Variants in CDH18 observed in about 807,000 individuals in gnomAD.
The protein encoded by CDH18 is cadherin-18.
CDH18 carries 31 observed loss-of-function variants against 67.9 expected under a neutral mutation model. The ratio of observed to expected loss-of-function variants is 0.46; its 90% CI spans 0.34 to 0.62. The LOEUF (loss-of-function observed/expected upper bound fraction) is 0.62. CDH18 is among the 20% of genes least tolerant of loss of function. The pLI is 0.01. For missense variants in CDH18, 890 were observed against 975.5 expected, an observed-to-expected ratio of 0.91 and a Z score of 1.17; for synonymous variants, 362 against 347.2, an observed-to-expected ratio of 1.04 and a Z score of -0.48.
chr5:19,617,521 T>C, intron 5 of CDH18, among the ~76,000 whole-genome samples: 1 of 152,342 alleles, frequency 6.6e-6, no homozygotes, highest in Middle Eastern at 3.4e-3. Context: ...CATTGTGCAT[T>C]TGTTTAAAAA....
chr5:19,704,877 C>T (rs1000460178), intron 5 of CDH18, among the ~76,000 whole-genome samples: 115 of 152,194 alleles, frequency 7.6e-4, no homozygotes, highest in African/African-American at 2.7e-3. Context: ...AGGGGCATTA[C>T]AGCCAGGATT....
upstream of CDH18, among the ~76,000 whole-genome samples, chr5:19,988,920 C>A (rs1422132518): frequency 1.3e-5 from 2 of 152,070 alleles, no homozygotes; most frequent in African/African-American, 4.8e-5. Flanking sequence ...TTTGTGAAGA[C>A]GAATAGAAGC....
At chr5:19,655,823 G>A (rs936198134) in intron 5 of CDH18, among the ~76,000 whole-genome samples, 2 of 152,020 alleles carry the variant, frequency 1.3e-5, no homozygotes, top group South Asian at 4.1e-4. Flanking sequence ...CATGTGTTCT[G>A]TCATCCTTAG....
chr5:19,599,016 T>A (rs1746624499), intron 6 of CDH18, among the ~76,000 whole-genome samples: 1 of 152,182 alleles, frequency 6.6e-6, no homozygotes, highest in Non-Finnish European at 1.5e-5. Flanking sequence ...TGTTGTTTTA[T>A]CACTAAAATA....
chr5:19,890,597 A>ATTTT (rs147714365), intron 2 of CDH18, among the ~76,000 whole-genome samples: 2 of 132,686 alleles, frequency 1.5e-5, no homozygotes, highest in African/African-American at 5.2e-5. Flanking sequence ...CCAGAACACC[A>ATTTT]TTTTTTTTTT....
rs534237658 is a variant in CDH18, at chr5:19,857,384, A to G, written c.-256-18142T>C. ...AAGAGACGTGACCATAGGCTAGTAA[A>G]TTGACTTATTTGCATCTTAACTTCT... is the stretch of plus-strand genomic sequence containing the variant. On this transcript the variant is annotated intron_variant, in intron 2 of 12. Transcript: ENST00000382275. Among the ~76,000 whole-genome samples the G allele has an allele frequency of 3.3e-5, 5 of 152,294 alleles. No homozygotes were observed. The East Asian group carries it at 9.6e-4, about 29-fold the overall frequency.
chr5:19,750,035 A>C (rs191562328), intron 3 of CDH18, among the ~76,000 whole-genome samples: 235 of 152,182 alleles, frequency 1.5e-3, no homozygotes, highest in Non-Finnish European at 2.9e-3. Flanking sequence ...AATATTTAGC[A>C]TGAGTTTTTA....
intron 1 of CDH18, among the ~76,000 whole-genome samples, chr5:20,518,651 C>G (rs16886568): frequency 0.16 from 24,675 of 152,012 alleles, 2,499 homozygotes; most frequent in East Asian, 0.39. Context: ...ATTTCTTTGC[C>G]AAAAGTACAC....
At chr5:20,296,348 G>C (rs1306130794) in intron 1 of CDH18, among the ~76,000 whole-genome samples, 1 of 151,460 alleles carries the variant, frequency 6.6e-6, no homozygotes, top group Non-Finnish European at 1.5e-5. Flanking sequence ...CCACCTCCGG[G>C]GTTCAGGCCA....
intron 11 of CDH18, among the ~76,000 whole-genome samples, chr5:19,497,832 T>C (rs1371563409): frequency 6.6e-6 from 1 of 152,088 alleles, no homozygotes; most frequent in Non-Finnish European, 1.5e-5. Flanking sequence ...CTCGTAGGAG[T>C]TACTTCCATA....
At chr5:19,737,479 T>G (rs1768496460) in intron 4 of CDH18, among the ~76,000 whole-genome samples, 2 of 152,152 alleles carry the variant, frequency 1.3e-5, no homozygotes, top group Admixed American at 1.3e-4. Flanking sequence ...TTCAGATTAC[T>G]TGGTGCCTTC....
intron 3 of CDH18, among the ~76,000 whole-genome samples, chr5:19,768,813 AT>A (rs1475133685): frequency 2.0e-5 from 3 of 152,118 alleles, no homozygotes; most frequent in African/African-American, 7.2e-5. Context: ...TATAATATTT[AT>A]AATAGAAGTA....
intron 1 of CDH18, among the ~76,000 whole-genome samples, chr5:20,559,726 T>C (rs1758098923): frequency 6.6e-6 from 1 of 152,078 alleles, no homozygotes; most frequent in Non-Finnish European, 1.5e-5. Flanking sequence ...CCTGATCATA[T>C]AAAAATCAAG....
At chr5:19,840,112 A>AT (rs1450261799) in intron 2 of CDH18, among the ~76,000 whole-genome samples, 4 of 150,362 alleles carry the variant, frequency 2.7e-5, no homozygotes, top group Non-Finnish European at 5.9e-5. Flanking sequence ...AAAAATAAAA[A>AT]AAAAAATGAG....
At position 20,497,463 on chromosome 5, in the gene CDH18, AC is replaced by A. The variant is rs5866428; in HGVS notation, c.-580+77998del. 1.6e-3 allele frequency among the ~76,000 whole-genome samples: 237 copies of A among 152,286 alleles called. 1 individual carries two copies. Among genetic ancestry groups the A allele is most frequent in the Non-Finnish European group, 2.6e-3 (178 of 68,018 alleles). ...GTTACAATTGTTTACAGTATTCAGT[AC>A]AGCAGAATGCTGTATAAGTTTGTAG... is the stretch of plus-strand genomic sequence containing the variant. On this transcript the variant is annotated intron_variant, in intron 1 of 14. Coordinates refer to the CDH18 transcript ENST00000507958.
intron 1 of CDH18, among the ~76,000 whole-genome samples, chr5:20,465,337 A>G (rs1393058597): frequency 6.6e-6 from 1 of 152,096 alleles, no homozygotes; most frequent in Non-Finnish European, 1.5e-5. Context: ...CATGATCAAC[A>G]TCAGGAACAA....
At chr5:19,866,225 T>C (rs1272706938) in intron 2 of CDH18, among the ~76,000 whole-genome samples, 1 of 152,174 alleles carries the variant, frequency 6.6e-6, no homozygotes, top group African/African-American at 2.4e-5. Flanking sequence ...CTGAGAGCAA[T>C]CAGTCTGGAA....
At chr5:20,158,928 C>G (rs530470604) in intron 2 of CDH18, 1 of 184,872 alleles carries the variant, frequency 5.4e-6, no homozygotes, top group South Asian at 1.4e-4. Context: ...GCAACCCCAA[C>G]TATCATCTTG....
rs6868744 is a variant in CDH18, at chr5:19,880,189, C to T, written c.-256-40947G>A. On this transcript the variant is annotated intron_variant, in intron 2 of 12. Transcript: ENST00000382275. ...TTTCTACTATCTAACTGACCCAAAA[C>T]CACACACTGAAACTCCCTTAGATGG... Among the ~76,000 whole-genome samples the T allele has an allele frequency of 3.2e-3, 486 of 151,964 alleles. 2 individuals carry two copies. Among genetic ancestry groups the T allele is most frequent in the Middle Eastern group, 0.01 (3 of 294 alleles).
Sources: gnomAD v4.1 joint callset for allele counts (sites outside exome capture counted in the v4.1 genomes callset) on GRCh38, gnomAD v4.1.1 for gene constraint, MANE v1.5 for transcripts, NCBI Gene and HGNC (gene_info 2026-07-23, HGNC 2026-07-21) for gene names.